The following CYTH3 variants were observed in gnomAD, a reference collection of about 807,000 sequenced individuals.
CYTH3 encodes cytohesin 3.
A neutral mutation model predicts 55.1 loss-of-function variants in CYTH3; 23 were observed. The observed-to-expected ratio is 0.42, with a 90% CI of 0.30 to 0.59. The LOEUF (loss-of-function observed/expected upper bound fraction) is 0.59, where lower values mean the gene tolerates loss of function less well. Ranked by LOEUF, CYTH3 falls within the 20% of genes least tolerant of loss-of-function variation. The pLI is 0.20. For synonymous variants in CYTH3, 249 were observed against 194.9 expected, an observed-to-expected ratio of 1.28 and a Z score of -2.31; for missense variants, 413 against 524.8, an observed-to-expected ratio of 0.79 and a Z score of 2.08.
intron 1 of CYTH3, among the ~76,000 whole-genome samples, chr7:6,222,736 G>C (rs1249646200): frequency 2.8e-5 from 4 of 142,248 alleles, no homozygotes; most frequent in Middle Eastern, 4.2e-3. Context: ...AACAGAGTGA[G>C]ACTCCGTTTC....
chr7:6,263,068 C>A (rs142833770), intron 1 of CYTH3, among the ~76,000 whole-genome samples: 27 of 152,242 alleles, frequency 1.8e-4, no homozygotes, highest in African/African-American at 6.3e-4. Context: ...AGTTTCTATA[C>A]CTCTAACCTT....
intron 4 of CYTH3, among the ~76,000 whole-genome samples, chr7:6,179,167 G>A (rs1783415561): frequency 6.6e-6 from 1 of 152,106 alleles, no homozygotes; most frequent in Non-Finnish European, 1.5e-5. Context: ...GTACATTCTG[G>A]CATAATCACA....
At chr7:6,178,697 T>G (rs1414969598) in intron 4 of CYTH3, among the ~76,000 whole-genome samples, 1 of 152,156 alleles carries the variant, frequency 6.6e-6, no homozygotes, top group Non-Finnish European at 1.5e-5. Flanking sequence ...AAGATACATT[T>G]TGTTGGATTT....
intron 1 of CYTH3, among the ~76,000 whole-genome samples, chr7:6,192,419 C>T (rs888372382): frequency 1.3e-5 from 2 of 151,468 alleles, no homozygotes; most frequent in Non-Finnish European, 2.9e-5. Flanking sequence ...CAGGGTCTTG[C>T]TATGTTGCCC....
intron 5 of CYTH3, among the ~76,000 whole-genome samples, chr7:6,174,094 G>C (rs1021717199): frequency 6.6e-6 from 1 of 151,872 alleles, no homozygotes; most frequent in East Asian, 1.9e-4. Flanking sequence ...CTGCCAGAGA[G>C]ATTTCCAAAG....
Position 6,162,267 on chromosome 7 carries a change from C to T in CYTH3, c.*2677G>A, listed in dbSNP as rs1782852392. On this transcript the variant is annotated 3_prime_UTR_variant, in exon 13 of 13. Transcript: ENST00000350796. ...CAGTACAATTAAACTCAAATATGAA[C>T]CAGGGCGGCCAGCAAGACAGGCTGG... The T allele has an allele frequency of 6.6e-6, 1 of 152,264 alleles. No individual in the cohort carries two copies. The highest frequency in any genetic ancestry group is 6.5e-5 in the Admixed American group (1 of 15,292). 9.4% of individuals were successfully genotyped at this position (152,264 alleles called of 1,614,324 possible). A position where few individuals can be genotyped will look rare whatever the true frequency, so the allele number is the denominator to read the frequency against.
At chr7:6,214,647 C>G (rs555562008) in intron 1 of CYTH3, among the ~76,000 whole-genome samples, 2 of 152,224 alleles carry the variant, frequency 1.3e-5, no homozygotes, top group East Asian at 1.9e-4. Context: ...ACTGAGCATA[C>G]TCTCACCAAA....
chr7:6,205,133 C>T (rs1784154758), intron 1 of CYTH3, among the ~76,000 whole-genome samples: 1 of 152,076 alleles, frequency 6.6e-6, no homozygotes, highest in Non-Finnish European at 1.5e-5. Context: ...CCACTGCACT[C>T]CAGCCTGGGT....
chr7:6,173,437 G>A (rs948733591), intron 6 of CYTH3, among the ~76,000 whole-genome samples: 5 of 152,226 alleles, frequency 3.3e-5, no homozygotes, highest in Non-Finnish European at 7.3e-5. Context: ...CCACAGTGAG[G>A]AAAGCACGGC....
At chr7:6,265,129 G>C (rs1780454439) in intron 1 of CYTH3, among the ~76,000 whole-genome samples, 1 of 152,160 alleles carries the variant, frequency 6.6e-6, no homozygotes, top group African/African-American at 2.4e-5. Context: ...GCAGAGTCAG[G>C]GAGGAAACGG....
intron 2 of CYTH3, among the ~76,000 whole-genome samples, chr7:6,188,357 A>C (rs1468136758): frequency 7.0e-6 from 1 of 143,372 alleles, no homozygotes; most frequent in Non-Finnish European, 1.5e-5. Context: ...ACAAAAAAAC[A>C]AAAAAAAAAA....
intron 1 of CYTH3, among the ~76,000 whole-genome samples, chr7:6,237,385 C>G (rs929907569): frequency 1.3e-5 from 2 of 152,066 alleles, no homozygotes; most frequent in African/African-American, 4.8e-5. Flanking sequence ...AAGGAAGCAC[C>G]CACCTTTTCC....
chr7:6,172,301 C>T (rs947204853), intron 6 of CYTH3, among the ~76,000 whole-genome samples: 1 of 152,086 alleles, frequency 6.6e-6, no homozygotes, highest in Non-Finnish European at 1.5e-5. Context: ...ATTCCAGCCA[C>T]GTCTGGCCCC....
chr7:6,241,678 C>T (rs887958094), intron 1 of CYTH3, among the ~76,000 whole-genome samples: 1 of 151,918 alleles, frequency 6.6e-6, no homozygotes. Flanking sequence ...ATAAATAAAC[C>T]GATCCATTAG....
At chr7:6,219,507 T>C (rs1784499209) in intron 1 of CYTH3, among the ~76,000 whole-genome samples, 2 of 152,216 alleles carry the variant, frequency 1.3e-5, no homozygotes, top group South Asian at 4.1e-4. Flanking sequence ...AATGTTTTGC[T>C]AGTATGCTGG....
At chr7:6,251,489 T>C (rs1044323354) in intron 1 of CYTH3, among the ~76,000 whole-genome samples, 6 of 151,950 alleles carry the variant, frequency 3.9e-5, no homozygotes, top group African/African-American at 1.4e-4. Flanking sequence ...CAGTGTAAAA[T>C]AGGAAAGGAT....
intron 1 of CYTH3, among the ~76,000 whole-genome samples, chr7:6,218,252 T>C (rs755672422): frequency 2.6e-5 from 4 of 152,102 alleles, no homozygotes; most frequent in Admixed American, 1.3e-4. Context: ...CAATAAAAAA[T>C]GTCCATATAA....
chr7:6,173,851 G>A (rs1783265440), intron 5 of CYTH3, 118 bp from the exon 6 acceptor site: 1 of 684,668 alleles, frequency 1.5e-6, no homozygotes, highest in Non-Finnish European at 2.6e-6. Flanking sequence ...GCATGGCCAT[G>A]CTTTTTTAAA....
At position 6,170,835 on chromosome 7, in the gene CYTH3, G is replaced by A. The variant is rs148342884; in HGVS notation, c.706C>T (p.Leu236=). ...NEGGDLPEEL[L]RNLYESIKNE... is the part of the protein sequence containing the mutation. ...CCGCGGGCCGGGGAGCTCACCCTCA[G>A]CAGCTCCTCAGGGAGGTCCCCGCCC... The change falls in exon 8 of 13, where the codon CTG becomes TTG. Residue 236 remains leucine (L), a synonymous_variant. Coordinates refer to ENST00000350796, the MANE Select transcript of CYTH3 (RefSeq NM_004227.4). This position sits in a 1 kb window ranked among gnomAD's most constrained non-coding sequence, Gnocchi z 7.8. 6 of 1,611,254 alleles carry A rather than the reference G, an allele frequency of 3.7e-6. No individual in the cohort carries two copies. Among genetic ancestry groups the A allele is most frequent in the East Asian group, 2.2e-5 (1 of 44,800 alleles).
Sources: gnomAD v4.1 joint callset for allele counts (sites outside exome capture counted in the v4.1 genomes callset) on GRCh38, gnomAD v4.1.1 for gene constraint, Gnocchi (gnomAD v3.1) non-coding constraint, MANE v1.5 for transcripts, NCBI Gene and HGNC (gene_info 2026-07-23, HGNC 2026-07-21) for gene names.